ARMC7: variants seen among roughly 807,000 people sequenced by gnomAD.
The protein encoded by ARMC7 is armadillo repeat containing 7, also known as armadillo repeat-containing protein 7.
Under a neutral mutation model 14.8 loss-of-function variants are expected in ARMC7, and 9 were observed. The observed-to-expected ratio is 0.61, with a 90% CI of 0.37 to 1.06. The LOEUF is 1.06. ARMC7 is among the 50% of genes least tolerant of loss of function. The probability of loss-of-function intolerance (pLI) is 0.01; values close to 1 mark genes in which losing one functional copy is unlikely to be tolerated. For missense variants in ARMC7, 262 were observed against 267.1 expected, an observed-to-expected ratio of 0.98 and a Z score of 0.13; for synonymous variants, 125 against 123.4, an observed-to-expected ratio of 1.01 and a Z score of -0.09.
chr17:75,110,738 G>C, intron 2 of ARMC7, 132 bp downstream of exon 2: 1 of 1,247,810 alleles, frequency 8.0e-7, no homozygotes. Flanking sequence ...TAAGGCGGGC[G>C]GATCACCTGA....
intron 2 of ARMC7, chr17:75,114,491 C>G (rs182289832): frequency 1.1e-4 from 44 of 393,108 alleles, no homozygotes; most frequent in African/African-American, 8.8e-4. Flanking sequence ...GTCCTGGAGT[C>G]CGCGGTCCCA....
chr17:75,121,699 C>T (rs1242621219), intron 2 of ARMC7, among the ~76,000 whole-genome samples: 2 of 152,178 alleles, frequency 1.3e-5, no homozygotes, highest in African/African-American at 2.4e-5. Flanking sequence ...CAGGTGTGAG[C>T]CACTGCACGC....
chr17:75,112,596 G>C (rs1428700470), intron 2 of ARMC7, among the ~76,000 whole-genome samples: 3 of 105,630 alleles, frequency 2.8e-5, no homozygotes, highest in African/African-American at 7.5e-5. Context: ...TTTTTTTTGA[G>C]ATAGGGTCTC....
intron 2 of ARMC7, among the ~76,000 whole-genome samples, chr17:75,116,393 C>T (rs999006519): frequency 2.6e-5 from 4 of 152,082 alleles, no homozygotes; most frequent in South Asian, 4.1e-4. Context: ...TTTGGGAGGC[C>T]GAAGTGGGCA....
intron 2 of ARMC7, among the ~76,000 whole-genome samples, chr17:75,110,979 C>CAAAAAAAAAA: frequency 7.4e-6 from 1 of 134,608 alleles, no homozygotes; most frequent in African/African-American, 3.1e-5. Flanking sequence ...AAAAAAAAAG[C>CAAAAAAAAAA]CGCACACAGT....
At chr17:75,110,679 G>A in intron 2 of ARMC7, 73 bp downstream of exon 2, 1 of 1,574,564 alleles carries the variant, frequency 6.4e-7, no homozygotes, top group Non-Finnish European at 8.6e-7. Context: ...GTGAGTCCTT[G>A]GGGCCGGGCG....
intron 2 of ARMC7, among the ~76,000 whole-genome samples, chr17:75,112,238 C>T (rs1037395295): frequency 1.3e-5 from 2 of 152,192 alleles, no homozygotes; most frequent in Non-Finnish European, 2.9e-5. Flanking sequence ...GAGTTTAGAT[C>T]TAGGCCGTGG....
At chr17:75,127,568 G>A (rs2074060945) in intron 2 of ARMC7, among the ~76,000 whole-genome samples, 1 of 152,028 alleles carries the variant, frequency 6.6e-6, no homozygotes, top group South Asian at 2.1e-4. Flanking sequence ...CCAAAGTGCT[G>A]GGATTATAGG....
intron 2 of ARMC7, among the ~76,000 whole-genome samples, chr17:75,128,178 A>G (rs2074065941): frequency 6.6e-6 from 1 of 151,932 alleles, no homozygotes; most frequent in South Asian, 2.1e-4. Context: ...AGGTTCAAGC[A>G]ATTCTCCTGC....
chr17:75,110,737 C>A, intron 2 of ARMC7, 131 bp downstream of exon 2: 2 of 1,250,088 alleles, frequency 1.6e-6, no homozygotes, highest in Non-Finnish European at 2.2e-6. Context: ...CTAAGGCGGG[C>A]GGATCACCTG....
intron 2 of ARMC7, among the ~76,000 whole-genome samples, chr17:75,116,926 G>C (rs2073977168): frequency 6.6e-6 from 1 of 152,114 alleles, no homozygotes; most frequent in Admixed American, 6.6e-5. Context: ...TGGCAGCTCT[G>C]AGTGAGGTCT....
At chr17:75,114,571 C>G (rs1167207845) in intron 2 of ARMC7, 5 of 394,898 alleles carry the variant, frequency 1.3e-5, no homozygotes, top group Admixed American at 8.9e-5. Flanking sequence ...TTTCCTCTCC[C>G]GCCTTGCCTG....
In ARMC7 at chr17:75,130,162, G is replaced by T. The variant is rs1202903327; in HGVS notation, c.*1124G>T. The T allele has an allele frequency of 1.8e-5, 5 of 284,554 alleles. No homozygotes were observed. The Admixed American group carries it at 2.4e-4, about 14-fold the overall frequency. 17.6% of individuals were successfully genotyped at this position (284,554 alleles called of 1,614,324 possible). A position where few individuals can be genotyped will look rare whatever the true frequency, so the allele number is the denominator to read the frequency against. On this transcript the variant is annotated 3_prime_UTR_variant, in exon 3 of 3. Transcript: ENST00000245543. ...ACCACTGGACTCAGAGGGGAGGGAA[G>T]GGCTCATCAGCACCCGCTCAGGGAG...
rs1341741576 is a variant in ARMC7, at chr17:75,110,288, C to T, written c.-1C>T. On this transcript the variant is annotated 5_prime_UTR_variant, in exon 1 of 3. Transcript: ENST00000245543. ...CCTGGGGGTCCTCCGTCACCGCGGC[C>T]ATGGCCCAGAAGCCGAAGGTGGACC... The T allele has an allele frequency of 1.9e-6, 3 of 1,610,016 alleles. No individual in the cohort carries two copies. Among genetic ancestry groups the T allele is most frequent in the Non-Finnish European group, 2.5e-6 (3 of 1,179,538 alleles).
Position 75,129,357 on chromosome 17 carries a change from G to A in ARMC7, c.*319G>A. Reference sequence around the variant, plus strand: ...AGTGCCTGGACCCAGAGGCTTTGCAGGACAGTGTTCTCAGGAGCTGGGCCT... The same window carrying A: ...AGTGCCTGGACCCAGAGGCTTTGCAAGACAGTGTTCTCAGGAGCTGGGCCT... On this transcript the variant is annotated 3_prime_UTR_variant, in exon 3 of 3. Transcript: ENST00000245543. The A allele has an allele frequency of 2.3e-6, 1 of 427,806 alleles. No individual in the cohort carries two copies. Among genetic ancestry groups the A allele is most frequent in the Non-Finnish European group, 4.2e-6 (1 of 237,810 alleles). 26.5% of individuals were successfully genotyped at this position (427,806 alleles called of 1,614,324 possible).
At chr17:75,113,060 C>T (rs2073940964) in intron 2 of ARMC7, among the ~76,000 whole-genome samples, 1 of 142,806 alleles carries the variant, frequency 7.0e-6, no homozygotes, top group Non-Finnish European at 1.5e-5. Flanking sequence ...GAGTCTTGCT[C>T]TGTCGCCCAG....
chr17:75,118,868 C>A (rs1292609173), intron 2 of ARMC7, among the ~76,000 whole-genome samples: 2 of 152,178 alleles, frequency 1.3e-5, no homozygotes, highest in Non-Finnish European at 2.9e-5. Flanking sequence ...TATCGGGAAC[C>A]CCCACCACCA....
At chr17:75,128,371 G>A (rs2074068116) in intron 2 of ARMC7, among the ~76,000 whole-genome samples, 1 of 152,066 alleles carries the variant, frequency 6.6e-6, no homozygotes, top group African/African-American at 2.4e-5. Flanking sequence ...CCGTGCCCGG[G>A]CCGGCCTTGT....
chr17:75,118,185 C>G (rs770978663), intron 2 of ARMC7, among the ~76,000 whole-genome samples: 4 of 151,638 alleles, frequency 2.6e-5, no homozygotes, highest in Non-Finnish European at 5.9e-5. Context: ...TCCCCTGATT[C>G]TGACTTCCTT....
Sources: allele counts gnomAD v4.1 joint callset (sites outside exome capture counted in the v4.1 genomes callset), GRCh38; gene constraint gnomAD v4.1.1; transcripts MANE v1.5; gene names NCBI Gene and HGNC (gene_info 2026-07-23, HGNC 2026-07-21).